Variants in GLB1 observed in about 807,000 individuals in gnomAD.
The protein encoded by GLB1 is galactosidase beta 1.
Under a neutral mutation model 74.0 loss-of-function variants are expected in GLB1, and 56 were observed. The observed-to-expected ratio is 0.76, with a 90% CI of 0.61 to 0.94. The LOEUF (loss-of-function observed/expected upper bound fraction) is 0.94. Ranked by LOEUF, GLB1 falls within the 40% of genes least tolerant of loss-of-function variation. GLB1 has a pLI of 0.00. For synonymous variants in GLB1, 323 were observed against 323.6 expected (o/e 1.00, Z 0.02); for missense variants, 787 against 845.5 (o/e 0.93, Z 0.86).
At chr3:33,044,762 C>A (rs1028040797) in intron 10 of GLB1, among the ~76,000 whole-genome samples, 1 of 151,952 alleles carries the variant, frequency 6.6e-6, no homozygotes, top group Non-Finnish European at 1.5e-5. Flanking sequence ...ACAAAAAAAA[C>A]CATACCATTT....
intron 9 of GLB1, among the ~76,000 whole-genome samples, chr3:33,050,468 T>C (rs373038281): frequency 2.0e-5 from 3 of 152,330 alleles, no homozygotes; most frequent in African/African-American, 7.2e-5. Context: ...TAAAAAGGAA[T>C]GAAGCACTAG....
At chr3:32,961,543 C>T in the GLB1 span, among the ~76,000 whole-genome samples, 1 of 152,190 alleles carries the variant, frequency 6.6e-6, no homozygotes, top group Non-Finnish European at 1.5e-5. Flanking sequence ...GACAGTCAGT[C>T]TCTGTGGCAG....
chr3:33,059,352 G>T (rs1375469781), intron 5 of GLB1, among the ~76,000 whole-genome samples: 2 of 150,208 alleles, frequency 1.3e-5, no homozygotes, highest in Admixed American at 6.6e-5. Context: ...AGAGGAGAAG[G>T]CAATTAGAAA....
chr3:33,069,934 C>T (rs1455156719), intron 2 of GLB1, among the ~76,000 whole-genome samples: 3 of 151,390 alleles, frequency 2.0e-5, no homozygotes, highest in Admixed American at 6.6e-5. Context: ...GCCTAGTACA[C>T]GATAGGGGAA....
chr3:33,065,854 C>T (rs1699652343), intron 4 of GLB1, among the ~76,000 whole-genome samples: 2 of 151,426 alleles, frequency 1.3e-5, no homozygotes, highest in South Asian at 4.2e-4. Flanking sequence ...GTAATCCCAG[C>T]TACTTGGGAG....
At chr3:33,051,174 A>C (rs369248632) in intron 9 of GLB1, among the ~76,000 whole-genome samples, 1 of 144,618 alleles carries the variant, frequency 6.9e-6, no homozygotes, top group East Asian at 2.1e-4. Flanking sequence ...CAGAGCTTGC[A>C]GTGAGCCAAG....
At chr3:33,056,532 T>C (rs1457807446) in intron 6 of GLB1, among the ~76,000 whole-genome samples, 7 of 151,904 alleles carry the variant, frequency 4.6e-5, no homozygotes, top group African/African-American at 1.7e-4. Context: ...TCCCACCTCA[T>C]CCTCCCTAGT....
chr3:33,089,511 T>C (rs909506277), intron 1 of GLB1, among the ~76,000 whole-genome samples: 1 of 152,206 alleles, frequency 6.6e-6, no homozygotes, highest in African/African-American at 2.4e-5. Context: ...AACAAGCCCA[T>C]GAAAACATGC....
chr3:33,001,342 C>T (rs997343330), intron 15 of GLB1, among the ~76,000 whole-genome samples: 7 of 152,182 alleles, frequency 4.6e-5, no homozygotes, highest in South Asian at 2.1e-4. Context: ...CTCAGCTTCC[C>T]GAGAAGCTGG....
intron 5 of GLB1, 48 bp downstream of exon 5, chr3:33,065,415 G>T: frequency 6.5e-7 from 1 of 1,549,440 alleles, no homozygotes; most frequent in Non-Finnish European, 8.7e-7. Context: ...TAATGTAGAT[G>T]GATGGGAACC....
At chr3:32,973,512 T>C in the GLB1 span, among the ~76,000 whole-genome samples, 1 of 152,114 alleles carries the variant, frequency 6.6e-6, no homozygotes, top group African/African-American at 2.4e-5. Context: ...CAGCTAATTT[T>C]TGTATTTTTT....
At chr3:33,090,401 G>A (rs1700701666) in intron 1 of GLB1, 2 of 985,254 alleles carry the variant, frequency 2.0e-6, no homozygotes, top group East Asian at 1.1e-4. Flanking sequence ...AACACGAGGG[G>A]AAGAAAAGCA....
intron 6 of GLB1, among the ~76,000 whole-genome samples, chr3:33,054,407 G>A (rs1312650760): frequency 2.6e-5 from 4 of 152,054 alleles, no homozygotes; most frequent in African/African-American, 9.7e-5. Flanking sequence ...GGCCTTTCCT[G>A]TCTGCACAAG....
the GLB1 span, among the ~76,000 whole-genome samples, chr3:32,978,171 C>T: frequency 1.3e-5 from 2 of 152,112 alleles, no homozygotes; most frequent in East Asian, 1.9e-4. Flanking sequence ...ATCTCAAAAA[C>T]GTTTGGGTGA....
intron 1 of GLB1, among the ~76,000 whole-genome samples, chr3:33,084,861 C>T (rs539969407): frequency 6.6e-6 from 1 of 152,286 alleles, no homozygotes; most frequent in Non-Finnish European, 1.5e-5. Flanking sequence ...AAGCAAACTG[C>T]ATTCAGTAGA....
At chr3:33,018,412 C>G (rs1414236466) in intron 13 of GLB1, 36 bp downstream of exon 13, 1 of 1,580,692 alleles carries the variant, frequency 6.3e-7, no homozygotes, top group Admixed American at 1.7e-5. Context: ...CCCACCCTCA[C>G]TGGGACAAAA....
At chr3:33,065,381 T>C in intron 5 of GLB1, 82 bp downstream of exon 5, 2 of 1,511,916 alleles carry the variant, frequency 1.3e-6, no homozygotes, top group South Asian at 2.4e-5. Flanking sequence ...GAGGCTCATG[T>C]CTGCATCACT....
intron 1 of GLB1, chr3:33,092,848 G>A (rs748021499): frequency 6.2e-7 from 1 of 1,605,178 alleles, no homozygotes; most frequent in East Asian, 2.2e-5. Context: ...GGAGACCGCT[G>A]CAGGATGAGC....
chr3:33,095,446 A>G (rs975115913), intron 1 of GLB1, among the ~76,000 whole-genome samples: 3 of 152,200 alleles, frequency 2.0e-5, no homozygotes, highest in African/African-American at 7.2e-5. Context: ...GAATGGCGTG[A>G]ACCCTAAAGA....
Sources: allele counts gnomAD v4.1 joint callset (sites outside exome capture counted in the v4.1 genomes callset), GRCh38; gene constraint gnomAD v4.1.1; transcripts MANE v1.5; gene names NCBI Gene and HGNC (gene_info 2026-07-23, HGNC 2026-07-21).